TMC2: variants seen among roughly 807,000 people sequenced by gnomAD.
The protein encoded by TMC2 is transmembrane channel like 2, also known as transmembrane channel-like protein 2.
In TMC2, 102 loss-of-function variants were observed where a neutral mutation model predicts 105.9. The observed-to-expected ratio is 0.96, with a 90% CI of 0.82 to 1.14. The LOEUF (loss-of-function observed/expected upper bound fraction) is 1.14, where lower values mean the gene tolerates loss of function less well. Among genes scored for constraint, TMC2 ranks in the 50% most tolerant of loss-of-function variants. The pLI is 0.00. For missense variants in TMC2, 1,093 were observed against 1,134.3 expected (o/e 0.96, Z 0.52); for synonymous variants, 402 against 422.8 (o/e 0.95, Z 0.60).
intron 16 of TMC2, among the ~76,000 whole-genome samples, chr20:2,620,654 C>T (rs2086518279): frequency 6.6e-6 from 1 of 152,172 alleles, no homozygotes. Flanking sequence ...GATCATTGGC[C>T]TCCCAGAATT....
intron 7 of TMC2, among the ~76,000 whole-genome samples, chr20:2,590,403 T>C (rs1363414102): frequency 6.6e-6 from 1 of 152,124 alleles, no homozygotes; most frequent in Non-Finnish European, 1.5e-5. Context: ...ATTTCCTTTT[T>C]ATTATGATCA....
chr20:2,595,072 A>G, intron 9 of TMC2, 105 bp downstream of exon 9: 1 of 1,306,400 alleles, frequency 7.7e-7, no homozygotes, highest in South Asian at 1.4e-5. Context: ...CAGAGAGAAA[A>G]CAGGAAATGA....
At chr20:2,636,810 T>G (rs1026350618) in intron 18 of TMC2, among the ~76,000 whole-genome samples, 5 of 152,108 alleles carry the variant, frequency 3.3e-5, no homozygotes, top group Admixed American at 6.5e-5. Context: ...GTATTTTTAG[T>G]ACATGTGAGC....
intron 11 of TMC2, among the ~76,000 whole-genome samples, chr20:2,605,024 T>A (rs2086378686): frequency 6.6e-6 from 1 of 152,216 alleles, no homozygotes; most frequent in African/African-American, 2.4e-5. Context: ...CGAACAGAAG[T>A]TGCCAGTAAC....
chr20:2,595,723 C>T (rs1270886992), intron 9 of TMC2, among the ~76,000 whole-genome samples: 1 of 150,906 alleles, frequency 6.6e-6, no homozygotes, highest in Non-Finnish European at 1.5e-5. Context: ...TGGGCCCACT[C>T]TCCCTTCAGC....
Position 2,610,475 on chromosome 20 carries a change from C to T in TMC2, c.1470C>T (p.Ile490=), listed in dbSNP as rs958972646. ...TTTGTCCCCCTCTGTTTGAAACCATCGCTGCCCTGGAGAATTACCACCCAC... is the reference window on the plus strand; with the variant it reads ...TTTGTCCCCCTCTGTTTGAAACCATTGCTGCCCTGGAGAATTACCACCCAC... The part of the protein sequence containing the change: ...GMFCPPLFET[I]AALENYHPRT... The change falls in exon 12 of 20, where the codon ATC becomes ATT. Residue 490 remains isoleucine (I), a synonymous_variant. Coordinates refer to ENST00000358864, the MANE Select transcript of TMC2 (RefSeq NM_080751.3). The T allele has an allele frequency of 7.4e-6, 12 of 1,613,676 alleles. No homozygotes were observed. Among genetic ancestry groups the T allele is most frequent in the Non-Finnish European group, 1.0e-5 (12 of 1,179,798 alleles).
intron 4 of TMC2, among the ~76,000 whole-genome samples, chr20:2,565,904 G>A (rs910558724): frequency 1.3e-4 from 20 of 152,284 alleles, no homozygotes; most frequent in Non-Finnish European, 1.9e-4. Context: ...GCCGGGCGTG[G>A]TGGTGTGTGC....
intron 8 of TMC2, 80 bp from the exon 9 acceptor site, chr20:2,594,745 T>C: frequency 6.9e-7 from 1 of 1,446,600 alleles, no homozygotes; most frequent in Non-Finnish European, 9.4e-7. Context: ...GAGAAAGAAA[T>C]CCCTGGTAGA....
chr20:2,608,854 A>C (rs952397218), intron 11 of TMC2, among the ~76,000 whole-genome samples: 1 of 152,194 alleles, frequency 6.6e-6, no homozygotes, highest in African/African-American at 2.4e-5. Flanking sequence ...AATTATTTAC[A>C]TCTACTTTAA....
chr20:2,619,303 G>C (rs951835093), intron 16 of TMC2, among the ~76,000 whole-genome samples: 2 of 152,098 alleles, frequency 1.3e-5, no homozygotes, highest in Non-Finnish European at 2.9e-5. Flanking sequence ...GCGTGCTCTG[G>C]AAGGAATGTA....
At chr20:2,563,773 G>A (rs4815334) in intron 4 of TMC2, among the ~76,000 whole-genome samples, 99,462 of 152,052 alleles carry the variant, frequency 0.65, 33,206 homozygotes, top group African/African-American at 0.79. Context: ...TGTCACCCAC[G>A]CTGGAGTCCA....
At chr20:2,631,437 T>C (rs2086602239) in intron 17 of TMC2, among the ~76,000 whole-genome samples, 1 of 152,266 alleles carries the variant, frequency 6.6e-6, no homozygotes, top group Non-Finnish European at 1.5e-5. Flanking sequence ...CTCTAGCATT[T>C]CTTACAGAGT....
chr20:2,575,488 A>T (rs1252061679), intron 5 of TMC2, among the ~76,000 whole-genome samples: 1 of 152,212 alleles, frequency 6.6e-6, no homozygotes, highest in African/African-American at 2.4e-5. Context: ...AAAATAGGTT[A>T]TTATTCTTTC....
At chr20:2,590,274 T>C (rs2086260015) in intron 7 of TMC2, among the ~76,000 whole-genome samples, 1 of 152,142 alleles carries the variant, frequency 6.6e-6, no homozygotes, top group African/African-American at 2.4e-5. Flanking sequence ...AAATGTACTA[T>C]ATCTTGGTTG....
chr20:2,545,161 GA>G (rs1303733740), intron 2 of TMC2, among the ~76,000 whole-genome samples: 1 of 152,054 alleles, frequency 6.6e-6, no homozygotes, highest in African/African-American at 2.4e-5. Context: ...GAGTTATGAT[GA>G]CTCCACTACA....
intron 2 of TMC2, among the ~76,000 whole-genome samples, chr20:2,544,019 A>G (rs527374114): frequency 2.3e-4 from 34 of 150,762 alleles, no homozygotes; most frequent in African/African-American, 8.1e-4. Context: ...CTCATGCCTC[A>G]GCCTCCCAAG....
Position 2,592,318 on chromosome 20 carries a change from G to A in TMC2, c.843G>A (p.Met281Ile). The change falls in exon 8 of 20, where the codon ATG becomes ATA. Residue 281 changes from methionine to isoleucine, a missense_variant. Physicochemically the swap from Met to Ile is conservative, Grantham distance 10 (BLOSUM62 1). Transcript: ENST00000358864. The surrounding 1 kb of genome is among the most constrained non-coding windows in gnomAD (Gnocchi z 4.9). ...FGLVIIPEVL[M>I]GMPYGSIPRK... ...TTGTGTTTCTGCACAAGGTACTGAT[G>A]GGCATGCCCTATGGGAGTATTCCCA... is the stretch of plus-strand genomic sequence containing the variant. 6.2e-7 allele frequency: 1 copy of A among 1,612,134 alleles called. No homozygotes were observed. Among genetic ancestry groups the A allele is most frequent in the Non-Finnish European group, 8.5e-7 (1 of 1,178,218 alleles).
intron 2 of TMC2, among the ~76,000 whole-genome samples, chr20:2,544,346 A>G (rs1174107208): frequency 2.0e-5 from 3 of 152,156 alleles, no homozygotes; most frequent in African/African-American, 7.2e-5. Context: ...TAAGAGAAGG[A>G]TTGTCATCAG....
intron 7 of TMC2, among the ~76,000 whole-genome samples, chr20:2,591,715 A>G (rs1367731467): frequency 1.3e-5 from 2 of 152,070 alleles, no homozygotes; most frequent in Non-Finnish European, 2.9e-5. Flanking sequence ...CTCAAAAAAG[A>G]AAGAAAAGAA....
Sources: gnomAD v4.1 joint callset for allele counts (sites outside exome capture counted in the v4.1 genomes callset) on GRCh38, gnomAD v4.1.1 for gene constraint, Gnocchi (gnomAD v3.1) non-coding constraint, MANE v1.5 for transcripts, NCBI Gene and HGNC (gene_info 2026-07-23, HGNC 2026-07-21) for gene names.